Variants in ITGBL1 observed in about 807,000 individuals in gnomAD.
The protein encoded by ITGBL1 is integrin subunit beta like 1, also known as integrin beta-like protein 1.
In ITGBL1, 51 loss-of-function variants were observed where a neutral mutation model predicts 68.5. That is an observed-to-expected ratio of 0.74 (90% confidence interval 0.59 to 0.94). ITGBL1 has a LOEUF of 0.94. Among genes scored for constraint, ITGBL1 ranks in the 40% least tolerant of loss-of-function variants. The pLI is 0.00. For synonymous variants in ITGBL1, 209 were observed against 227.3 expected (o/e 0.92, Z 0.72); for missense variants, 649 against 647.4 (o/e 1.00, Z -0.03).
rs34627046 is a variant in ITGBL1, at chr13:101,689,211, T to TAAAAAAAAAAAAAAAAAAAAA, written c.1016-3372_1016-3352dup. On this transcript the variant is annotated intron_variant, in intron 7 of 10. Transcript: ENST00000376180. ...CCTGGGGACAGAGCAAGACTCTGCCTAAAAAAAAAAAAAAAAAAAAAATTA... is the reference window on the plus strand; with the variant it reads ...CCTGGGGACAGAGCAAGACTCTGCCTAAAAAAAAAAAAAAAAAAAAAAAAAAAAAAAAAAAAAAAAAAATTA... Among the ~76,000 whole-genome samples, 384 of 74,798 alleles carry TAAAAAAAAAAAAAAAAAAAAA rather than the reference T, an allele frequency of 5.1e-3. 29 individuals are homozygous for TAAAAAAAAAAAAAAAAAAAAA. The highest frequency in any genetic ancestry group is 0.028 in the East Asian group (23 of 830). The allele number at this position is 74,798 out of a possible 152,430, so 49.1% of individuals were successfully genotyped here.
intron 2 of ITGBL1, among the ~76,000 whole-genome samples, chr13:101,458,657 G>A (rs2048277422): frequency 6.6e-6 from 1 of 152,146 alleles, no homozygotes. Flanking sequence ...ATAAAATGGT[G>A]TAGTATTTGC....
Position 101,625,733 on chromosome 13 carries a change from T to C in ITGBL1, c.1015+27434T>C, listed in dbSNP as rs536607645. On this transcript the variant is annotated intron_variant, in intron 7 of 10. Coordinates refer to ENST00000376180, the MANE Select transcript of ITGBL1 (RefSeq NM_004791.3). ...ATGCCCAGCTAATTTTTTGTATTTT[T>C]AGTAGAGACGGGGTTTCATCACGTT... 3.4e-4 allele frequency among the ~76,000 whole-genome samples: 52 copies of C among 152,202 alleles called. 1 individual carries two copies. Among genetic ancestry groups the C allele is most frequent in the Admixed American group, 2.5e-3 (38 of 15,284 alleles).
chr13:101,515,433 T>C (rs1043782417), intron 2 of ITGBL1, among the ~76,000 whole-genome samples: 1 of 152,094 alleles, frequency 6.6e-6, no homozygotes, highest in Admixed American at 6.6e-5. Context: ...AATAGTTCCA[T>C]TGGAGAAAAA....
intron 2 of ITGBL1, among the ~76,000 whole-genome samples, chr13:101,521,492 G>A (rs1026638912): frequency 6.6e-6 from 1 of 152,138 alleles, no homozygotes; most frequent in East Asian, 1.9e-4. Flanking sequence ...CCTCACTTTT[G>A]TATCCAGGGA....
chr13:101,502,336 T>C (rs2048956393), intron 2 of ITGBL1, among the ~76,000 whole-genome samples: 1 of 152,184 alleles, frequency 6.6e-6, no homozygotes, highest in Non-Finnish European at 1.5e-5. Flanking sequence ...TCTGTGGCCA[T>C]GCTGGAGCCC....
At chr13:101,492,502 C>T (rs561931557) in intron 2 of ITGBL1, among the ~76,000 whole-genome samples, 25 of 152,264 alleles carry the variant, frequency 1.6e-4, no homozygotes, top group African/African-American at 6.0e-4. Context: ...TAATTTCCTG[C>T]TCAAGTTTTC....
intron 6 of ITGBL1, among the ~76,000 whole-genome samples, chr13:101,584,897 T>A (rs940352154): frequency 6.6e-6 from 1 of 151,758 alleles, no homozygotes; most frequent in African/African-American, 2.4e-5. Context: ...AGGAGGCTAT[T>A]GGATCACAGT....
Position 101,539,138 on chromosome 13 carries a change from G to A in ITGBL1, c.317-28561G>A, listed in dbSNP as rs534960909. 3.8e-3 allele frequency among the ~76,000 whole-genome samples: 551 copies of A among 144,526 alleles called. 3 individuals carry two copies. Among genetic ancestry groups the A allele is most frequent in the African/African-American group, 0.013 (523 of 38,872 alleles). 94.8% of individuals were successfully genotyped at this position (144,526 alleles called of 152,430 possible). A position where few individuals can be genotyped will look rare whatever the true frequency, so the allele number is the denominator to read the frequency against. Reference sequence around the variant, plus strand: ...ACATATGTATACATCTGCTGTGTTGGTGTGCTGCACCCATTAACTCGTCAT... The same window carrying A: ...ACATATGTATACATCTGCTGTGTTGATGTGCTGCACCCATTAACTCGTCAT... On this transcript the variant is annotated intron_variant, in intron 2 of 10. Coordinates refer to ENST00000376180, the MANE Select transcript of ITGBL1 (RefSeq NM_004791.3).
chr13:101,707,182 AATATACCAG>A (rs1406771637), intron 9 of ITGBL1, among the ~76,000 whole-genome samples: 3 of 152,158 alleles, frequency 2.0e-5, no homozygotes, highest in African/African-American at 7.2e-5. Context: ...AGGACAACAA[AATATACCAG>A]ATACTAAATG....
chr13:101,489,331 G>A, intron 2 of ITGBL1, among the ~76,000 whole-genome samples: 1 of 152,184 alleles, frequency 6.6e-6, no homozygotes, highest in Non-Finnish European at 1.5e-5. Flanking sequence ...TTCAGGTGGT[G>A]TTAAAAATCA....
At chr13:101,470,593 T>A (rs2048444022) in intron 2 of ITGBL1, among the ~76,000 whole-genome samples, 1 of 152,188 alleles carries the variant, frequency 6.6e-6, no homozygotes, top group African/African-American at 2.4e-5. Flanking sequence ...AAAACCATAA[T>A]AGTCTCTGCT....
At chr13:101,466,160 G>T (rs2048379370) in intron 2 of ITGBL1, among the ~76,000 whole-genome samples, 1 of 152,128 alleles carries the variant, frequency 6.6e-6, no homozygotes, top group Non-Finnish European at 1.5e-5. Context: ...ATTTTCTGCT[G>T]AATTTAGTTC....
rs544087006 is a variant in ITGBL1, at chr13:101,496,145, T to C, written c.316+42045T>C. ...TATTTCTACTTGAATGATTTACTAA[T>C]ATGTAACCTATTTTTGTTGCAAAAC... On this transcript the variant is annotated intron_variant, in intron 2 of 10. Coordinates refer to ENST00000376180, the MANE Select transcript of ITGBL1 (RefSeq NM_004791.3). 4.6e-5 allele frequency among the ~76,000 whole-genome samples: 7 copies of C among 152,332 alleles called. No individual in the cohort carries two copies. The South Asian group carries it at 1.4e-3, about 32-fold the overall frequency.
intron 2 of ITGBL1, among the ~76,000 whole-genome samples, chr13:101,550,803 TC>T (rs2049909002): frequency 6.6e-6 from 1 of 152,190 alleles, no homozygotes. Context: ...TTCTTTTAAT[TC>T]CTTTCTATTT....
rs142565323 is a variant in ITGBL1, at chr13:101,641,551, A to C, written c.1015+43252A>C. 1.3e-3 allele frequency among the ~76,000 whole-genome samples: 188 copies of C among 142,106 alleles called. 4 individuals are homozygous for C. In the East Asian group the frequency reaches 0.023, roughly 17 times the overall value. 93.2% of individuals were successfully genotyped at this position (142,106 alleles called of 152,430 possible). A position where few individuals can be genotyped will look rare whatever the true frequency, so the allele number is the denominator to read the frequency against. Reference sequence around the variant, plus strand: ...ATTTTATTTTATTTTATTTATTTTTATTTTTTCTTTTTTTTCTTTTTTTAT... The same window carrying C: ...ATTTTATTTTATTTTATTTATTTTTCTTTTTTCTTTTTTTTCTTTTTTTAT... On this transcript the variant is annotated intron_variant, in intron 7 of 10. Transcript: ENST00000376180.
chr13:101,656,652 ACT>A (rs2032934787), intron 7 of ITGBL1, among the ~76,000 whole-genome samples: 1 of 152,058 alleles, frequency 6.6e-6, no homozygotes, highest in African/African-American at 2.4e-5. Flanking sequence ...CCCACTTAAC[ACT>A]CTACCCTTTC....
chr13:101,475,456 A>G (rs2048521664), intron 2 of ITGBL1, among the ~76,000 whole-genome samples: 1 of 152,164 alleles, frequency 6.6e-6, no homozygotes, highest in South Asian at 2.1e-4. Flanking sequence ...GGGTAAATCT[A>G]AGAGCTATTT....
chr13:101,494,866 A>T (rs1309918580), intron 2 of ITGBL1, among the ~76,000 whole-genome samples: 1 of 152,232 alleles, frequency 6.6e-6, no homozygotes, highest in Non-Finnish European at 1.5e-5. Context: ...TGATGATATT[A>T]TAAGCGCTTT....
intron 2 of ITGBL1, among the ~76,000 whole-genome samples, chr13:101,469,079 A>G (rs1045721023): frequency 3.9e-5 from 6 of 152,210 alleles, no homozygotes; most frequent in South Asian, 2.1e-4. Flanking sequence ...CACATCAGAG[A>G]TTCTCTTTTG....
Sources: allele counts gnomAD v4.1 joint callset (sites outside exome capture counted in the v4.1 genomes callset), GRCh38; gene constraint gnomAD v4.1.1; transcripts MANE v1.5; gene names NCBI Gene and HGNC (gene_info 2026-07-23, HGNC 2026-07-21).